The following GRM7 variants were observed in gnomAD, a reference collection of about 807,000 sequenced individuals.
GRM7 encodes the protein metabotropic glutamate receptor 7.
In GRM7, 35 loss-of-function variants were observed where a neutral mutation model predicts 84.5. The ratio of observed to expected loss-of-function variants is 0.41; its 90% CI spans 0.32 to 0.55. The LOEUF (loss-of-function observed/expected upper bound fraction) is 0.55, where lower values mean the gene tolerates loss of function less well. GRM7 is among the 20% of genes least tolerant of loss of function. The pLI is 0.19. For missense variants in GRM7, 1,003 were observed against 1,194.6 expected, an observed-to-expected ratio of 0.84 and a Z score of 2.36; for synonymous variants, 487 against 455.1, an observed-to-expected ratio of 1.07 and a Z score of -0.89.
rs1694764617 is a variant in GRM7, at chr3:7,572,862, ATATATATATATAT to A, written c.1516-5559_1516-5547del. Among the ~76,000 whole-genome samples, 5 of 48,898 alleles carry A rather than the reference ATATATATATATAT, an allele frequency of 1.0e-4. 2 individuals carry two copies. The highest frequency in any genetic ancestry group is 3.4e-4 in the African/African-American group (5 of 14,742). 32.1% of individuals were successfully genotyped at this position (48,898 alleles called of 152,430 possible). Reference sequence around the variant, plus strand: ...TATATATATATATATATATATATATATATATATATATATATATAAATAATCTTTCTACCTATAA... The same window carrying A: ...TATATATATATATATATATATATATAATATAAATAATCTTTCTACCTATAA... On this transcript the variant is annotated intron_variant, in intron 7 of 9. Transcript: ENST00000357716.
At chr3:7,050,389 G>A (rs1403306395) in intron 1 of GRM7, among the ~76,000 whole-genome samples, 1 of 151,850 alleles carries the variant, frequency 6.6e-6, no homozygotes, top group Admixed American at 6.6e-5. Flanking sequence ...GCTTTGCAAA[G>A]CTTGAGTGAC....
At chr3:6,994,879 G>A (rs1183715539) in intron 1 of GRM7, among the ~76,000 whole-genome samples, 1 of 152,100 alleles carries the variant, frequency 6.6e-6, no homozygotes, top group African/African-American at 2.4e-5. Flanking sequence ...ATTTCTATGC[G>A]GAAAGGGAGA....
chr3:6,956,191 G>C (rs186242976), intron 1 of GRM7, among the ~76,000 whole-genome samples: 10 of 152,268 alleles, frequency 6.6e-5, no homozygotes, highest in Non-Finnish European at 1.0e-4. Context: ...CAGGGATCAC[G>C]CATGAGTTTT....
intron 2 of GRM7, among the ~76,000 whole-genome samples, chr3:7,230,128 C>A (rs567843920): frequency 5.9e-5 from 9 of 152,048 alleles, no homozygotes; most frequent in African/African-American, 2.2e-4. Flanking sequence ...CATGAGCCAC[C>A]GCGCCTGGCC....
At chr3:7,088,462 C>G (rs1167433077) in intron 1 of GRM7, among the ~76,000 whole-genome samples, 1 of 151,428 alleles carries the variant, frequency 6.6e-6, no homozygotes, top group Non-Finnish European at 1.5e-5. Context: ...TGTATTGACT[C>G]TAGATGGGAT....
At chr3:7,358,481 G>C (rs1034564830) in intron 4 of GRM7, among the ~76,000 whole-genome samples, 1 of 148,410 alleles carries the variant, frequency 6.7e-6, no homozygotes, top group African/African-American at 2.5e-5. Context: ...AAAATGTCCT[G>C]CATTAAAAGT....
In GRM7 at chr3:7,357,179, C is replaced by T. The variant is rs187177962; in HGVS notation, c.1033+50527C>T. ...GGACTATAAAGGTTCTGTTTTCTAGCATAAGCATTTGTATAATCTAAACTC... is the reference window on the plus strand; with the variant it reads ...GGACTATAAAGGTTCTGTTTTCTAGTATAAGCATTTGTATAATCTAAACTC... On this transcript the variant is annotated intron_variant, in intron 4 of 9. Transcript: ENST00000357716. 1.3e-3 allele frequency among the ~76,000 whole-genome samples: 201 copies of T among 151,912 alleles called. 1 individual carries two copies. Among genetic ancestry groups the T allele is most frequent in the Middle Eastern group, 6.8e-3 (2 of 294 alleles).
chr3:7,317,579 G>C (rs1173749247), intron 4 of GRM7, among the ~76,000 whole-genome samples: 3 of 152,092 alleles, frequency 2.0e-5, no homozygotes, highest in Admixed American at 2.0e-4. Context: ...AGAGAAAACA[G>C]ATTGGTTCTG....
At chr3:7,608,411 A>G (rs557659763) in intron 8 of GRM7, among the ~76,000 whole-genome samples, 1 of 152,076 alleles carries the variant, frequency 6.6e-6, no homozygotes, top group Non-Finnish European at 1.5e-5. Flanking sequence ...TTTTAATAAT[A>G]GCCATTCTGA....
intron 9 of GRM7, among the ~76,000 whole-genome samples, chr3:7,703,415 G>A (rs955966313): frequency 2.0e-5 from 3 of 149,596 alleles, no homozygotes; most frequent in African/African-American, 7.5e-5. Context: ...TCTTATGAGG[G>A]TTCATTGAAA....
chr3:7,391,340 A>C (rs904745256), intron 4 of GRM7, among the ~76,000 whole-genome samples: 2 of 152,200 alleles, frequency 1.3e-5, no homozygotes, highest in Non-Finnish European at 2.9e-5. Flanking sequence ...CTGGATTAAG[A>C]AAATGTGGCA....
At chr3:7,042,196 G>A (rs1696648667) in intron 1 of GRM7, among the ~76,000 whole-genome samples, 1 of 152,120 alleles carries the variant, frequency 6.6e-6, no homozygotes, top group African/African-American at 2.4e-5. Flanking sequence ...GGGAGGTTGT[G>A]GGAGCTCTGG....
At position 7,386,196 on chromosome 3, in the gene GRM7, G is replaced by A. The variant is rs559995446; in HGVS notation, c.1034-28827G>A. On this transcript the variant is annotated intron_variant, in intron 4 of 9. Transcript: ENST00000357716. Reference sequence around the variant, plus strand: ...TTTTTGATCTAGATGTTTGTTACATGGATGCTTTTAAAAACTTATTAATTA... The same window carrying A: ...TTTTTGATCTAGATGTTTGTTACATAGATGCTTTTAAAAACTTATTAATTA... 3.9e-5 allele frequency among the ~76,000 whole-genome samples: 6 copies of A among 152,266 alleles called. No individual in the cohort carries two copies. The East Asian group carries it at 7.7e-4, about 20-fold the overall frequency.
At chr3:6,966,583 C>T (rs994315484) in intron 1 of GRM7, among the ~76,000 whole-genome samples, 1 of 152,200 alleles carries the variant, frequency 6.6e-6, no homozygotes, top group Non-Finnish European at 1.5e-5. Context: ...TCCTTGTCTT[C>T]TTATACTTAC....
At chr3:6,983,387 G>C (rs1455736137) in intron 1 of GRM7, among the ~76,000 whole-genome samples, 5 of 152,156 alleles carry the variant, frequency 3.3e-5, no homozygotes, top group Non-Finnish European at 7.4e-5. Flanking sequence ...ACCCACTGAG[G>C]AAAGCTCCTC....
rs144190003 is a variant in GRM7 at position 7,128,629 on chromosome 3, C to T, written c.520-17823C>T. ...TTCAGCGATTCTCTTGCCTCAGCCT[C>T]TCAAGTAGCTGGGATTACAGGTACC... On this transcript the variant is annotated intron_variant, in intron 1 of 9. Transcript: ENST00000357716. 6.8e-3 allele frequency among the ~76,000 whole-genome samples: 916 copies of T among 133,868 alleles called. 134 individuals are homozygous for T. Among genetic ancestry groups the T allele is most frequent in the African/African-American group, 0.025 (877 of 35,270 alleles). 87.8% of individuals were successfully genotyped at this position (133,868 alleles called of 152,430 possible). A position where few individuals can be genotyped will look rare whatever the true frequency, so the allele number is the denominator to read the frequency against.
At chr3:7,030,655 A>G (rs1696153456) in intron 1 of GRM7, among the ~76,000 whole-genome samples, 1 of 152,192 alleles carries the variant, frequency 6.6e-6, no homozygotes, top group South Asian at 2.1e-4. Context: ...TGGATCCTGG[A>G]AATCACCGGC....
At chr3:6,898,837 AT>A (rs1696284500) in intron 1 of GRM7, among the ~76,000 whole-genome samples, 1 of 150,558 alleles carries the variant, frequency 6.6e-6, no homozygotes, top group African/African-American at 2.5e-5. Context: ...AAAAAAAAAA[AT>A]GAAGAAAGAA....
intron 2 of GRM7, among the ~76,000 whole-genome samples, chr3:7,203,712 A>C (rs895364311): frequency 6.6e-6 from 1 of 152,274 alleles, no homozygotes; most frequent in African/African-American, 2.4e-5. Context: ...ATTCCCACGA[A>C]ATGTGTGTAT....
Sources: gnomAD v4.1 joint callset for allele counts (sites outside exome capture counted in the v4.1 genomes callset) on GRCh38, gnomAD v4.1.1 for gene constraint, MANE v1.5 for transcripts, NCBI Gene and HGNC (gene_info 2026-07-23, HGNC 2026-07-21) for gene names.